The following SLC17A7 variants were observed in gnomAD, a reference collection of about 807,000 sequenced individuals.
The protein encoded by SLC17A7 is solute carrier family 17 member 7.
SLC17A7 carries 15 observed loss-of-function variants against 59.1 expected under a neutral mutation model. The ratio of observed to expected loss-of-function variants is 0.25; its 90% CI spans 0.17 to 0.39. The LOEUF (loss-of-function observed/expected upper bound fraction) is 0.39. Among genes scored for constraint, SLC17A7 ranks in the 10% least tolerant of loss-of-function variants. The pLI is 1.00. For synonymous variants in SLC17A7, 353 were observed against 308.9 expected, an observed-to-expected ratio of 1.14 and a Z score of -1.50; for missense variants, 499 against 765.1, an observed-to-expected ratio of 0.65 and a Z score of 4.10.
In SLC17A7 at chr19:49,434,008, C is replaced by T; in HGVS notation, c.676G>A (p.Gly226Arg). Residue 226 changes from glycine to arginine, a missense_variant, in exon 6 of 12, where the codon GGG becomes AGG. Transcript: ENST00000221485. The stretch of plus-strand genomic sequence containing the variant: ...CATCCTGAGTACTGCACAAGGACCC[C>T]GGCGAGGGGCATCGCGACCACCGCC... ...AGAVVAMPLA[G>R]VLVQYSGWSS... is the part of the protein sequence containing the mutation. The T allele has an allele frequency of 6.2e-7, 1 of 1,613,394 alleles. No individual in the cohort carries two copies. The highest frequency in any genetic ancestry group is 8.5e-7 in the Non-Finnish European group (1 of 1,179,896).
At chr19:49,432,454 C>T in intron 9 of SLC17A7, 65 bp downstream of exon 9, 1 of 1,553,606 alleles carries the variant, frequency 6.4e-7, no homozygotes, top group Non-Finnish European at 8.7e-7. Context: ...CTCCCCATCA[C>T]CTCTCAATCC....
Position 49,436,127 on chromosome 19 carries a change from G to C in SLC17A7, c.315+422C>G. 4.9e-6 allele frequency: 1 copy of C among 204,038 alleles called. No homozygotes were observed. The highest frequency in any genetic ancestry group is 1.0e-5 in the Non-Finnish European group (1 of 97,650). 12.6% of individuals were successfully genotyped at this position (204,038 alleles called of 1,614,324 possible). A position where few individuals can be genotyped will look rare whatever the true frequency, so the allele number is the denominator to read the frequency against. On this transcript the variant is annotated intron_variant, in intron 2 of 11. Coordinates refer to ENST00000221485, the MANE Select transcript of SLC17A7 (RefSeq NM_020309.4). This position sits in a 1 kb window ranked among gnomAD's most constrained non-coding sequence, Gnocchi z 4.1. ...CAACACATGCAGTGGGACGTAGGCA[G>C]TGGCAGGGTTTCAAAAAAGGATCAC...
In SLC17A7 at chr19:49,429,865, C is replaced by T. The variant is rs565682045; in HGVS notation, c.*654G>A. 7.6e-5 allele frequency: 23 copies of T among 304,540 alleles called. No individual in the cohort carries two copies. The highest frequency in any genetic ancestry group is 4.5e-4 in the African/African-American group (21 of 46,948). 18.9% of individuals were successfully genotyped at this position (304,540 alleles called of 1,614,324 possible). ...AAAATTGCGATTTTGGTTGTTTCCC[C>T]AGACATTATGCTAAGCTAGGGAGAA... On this transcript the variant is annotated 3_prime_UTR_variant, in exon 12 of 12. Transcript: ENST00000221485.
chr19:49,434,576 G>A (rs1484332527), intron 5 of SLC17A7, 26 bp downstream of exon 5: 3 of 1,579,900 alleles, frequency 1.9e-6, no homozygotes, highest in Admixed American at 2.0e-5. Flanking sequence ...CTCAGATTCA[G>A]GAGTGAGGAT....
chr19:49,429,608 T>G lies in SLC17A7; in HGVS notation c.*911A>C. On this transcript the variant is annotated 3_prime_UTR_variant, in exon 12 of 12. Coordinates refer to ENST00000221485, the MANE Select transcript of SLC17A7 (RefSeq NM_020309.4). ...CTGAGAGGGGAAGGATCCCAGATTT[T>G]GAGTCATTAAGCCCCTGAGGGACAC... is the stretch of plus-strand genomic sequence containing the variant. 1 of 398,908 alleles carries G rather than the reference T, an allele frequency of 2.5e-6. No individual in the cohort carries two copies. The highest frequency in any genetic ancestry group is 2.1e-5 in the African/African-American group (1 of 48,680). The allele number at this position is 398,908 out of a possible 1,614,324, so 24.7% of individuals were successfully genotyped here.
In SLC17A7 at chr19:49,434,732, C is replaced by T. The variant is rs1030566785; in HGVS notation, c.549+36G>A. 4.3e-6 allele frequency: 7 copies of T among 1,613,888 alleles called. No homozygotes were observed. In the African/African-American group the frequency reaches 5.3e-5, roughly 12 times the overall value. On this transcript the variant is annotated intron_variant, in intron 4 of 11. Coordinates refer to ENST00000221485, the MANE Select transcript of SLC17A7 (RefSeq NM_020309.4). ...AAGGTCACTGAGAAGAGGCAGGGTC[C>T]GAGCGAGGGCAGGGTCATATCAGGC...
Position 49,441,374 on chromosome 19 carries a change from C to A in SLC17A7, c.6G>T (p.Glu2Asp), listed in dbSNP as rs1600992081. The change falls in exon 1 of 12, where the codon GAG becomes GAT. Residue 2 changes from glutamate (E) to aspartate (D), a missense_variant. Glu to Asp is a conservative substitution (Grantham distance 45). Around this residue, in one of 3 missense-constraint regions of SLC17A7, gnomAD observed 78 missense variants for 80.4 expected, o/e 0.97. Transcript: ENST00000221485. M[E>D]FRQEEFRKLA... is the part of the protein sequence containing the mutation. ...GCTTCCGAAACTCCTCCTGGCGGAA[C>A]TCCATGGTGGCGGCTCCTGCCGCCG... 1 of 1,592,922 alleles carries A rather than the reference C, an allele frequency of 6.3e-7. No individual in the cohort carries two copies. The highest frequency in any genetic ancestry group is 1.1e-5 in the South Asian group (1 of 88,632).
In SLC17A7 at chr19:49,441,358, ACTC is replaced by A; in HGVS notation, c.19_21del (p.Glu7del). 6.2e-7 allele frequency: 1 copy of A among 1,602,112 alleles called. No individual in the cohort carries two copies. Among genetic ancestry groups the A allele is most frequent in the African/African-American group, 1.4e-5 (1 of 73,862 alleles). ...AGAGCACGACCCGCTAGCTTCCGAA[ACTC>A]CTCCTGGCGGAACTCCATGGTGGCG... On this transcript the variant is annotated inframe_deletion, in exon 1 of 12. Coordinates refer to ENST00000221485, the MANE Select transcript of SLC17A7 (RefSeq NM_020309.4).
At position 49,434,714 on chromosome 19, in the gene SLC17A7, C is replaced by G; in HGVS notation, c.550-25G>C. ...CCTAAAGAGGAGAAAACCAAGGTCA[C>G]TGAGAAGAGGCAGGGTCCGAGCGAG... On this transcript the variant is annotated intron_variant, in intron 4 of 11. Coordinates refer to ENST00000221485, the MANE Select transcript of SLC17A7 (RefSeq NM_020309.4). 4.3e-6 allele frequency: 7 copies of G among 1,614,188 alleles called. No individual in the cohort carries two copies. The African/African-American group carries it at 6.7e-5, about 15-fold the overall frequency.
Position 49,434,874 on chromosome 19 carries a change from C to T in SLC17A7, c.443G>A (p.Gly148Asp). 1 of 1,613,214 alleles carries T rather than the reference C, an allele frequency of 6.2e-7. No individual in the cohort carries two copies. Among genetic ancestry groups the T allele is most frequent in the Non-Finnish European group, 8.5e-7 (1 of 1,179,558 alleles). The change falls in exon 4 of 12, where the codon GGC (glycine) becomes GAC (aspartate). Residue 148 changes from glycine (G) to aspartate (D), a missense_variant. This residue lies in a region of SLC17A7 where 323 missense variants were observed against 607.2 expected (regional missense o/e 0.53). Coordinates refer to ENST00000221485, the MANE Select transcript of SLC17A7 (RefSeq NM_020309.4). ...CQKFAANRVF[G>D]FAIVATSTLN... is the part of the protein sequence containing the mutation. Reference sequence around the variant, plus strand: ...AGTGGATGTTGCCACAATAGCAAAGCCGAAAACTCTGATGGGAAGGGTCAG... The same window carrying T: ...AGTGGATGTTGCCACAATAGCAAAGTCGAAAACTCTGATGGGAAGGGTCAG...
chr19:49,440,927 G>T (rs1296889094), intron 1 of SLC17A7, among the ~76,000 whole-genome samples: 2 of 152,008 alleles, frequency 1.3e-5, no homozygotes. Context: ...CAGAGATCTA[G>T]GGAGAAGGAG....
intron 1 of SLC17A7, chr19:49,437,931 G>A (rs1483360266): frequency 6.6e-6 from 1 of 150,546 alleles, no homozygotes; most frequent in Non-Finnish European, 1.5e-5. Context: ...GACCCAGAGA[G>A]AGAGGGGGAC....
chr19:49,434,411 C>G (rs1170423191), intron 5 of SLC17A7, among the ~76,000 whole-genome samples, 191 bp downstream of exon 5: 1 of 151,548 alleles, frequency 6.6e-6, no homozygotes, highest in Admixed American at 6.6e-5. Context: ...CCCAGCCCCT[C>G]CTCTCTCAGA....
At position 49,430,568 on chromosome 19, in the gene SLC17A7, T is replaced by C. The variant is rs2078954454; in HGVS notation, c.1634A>G (p.His545Arg). ...PAPPPSYGAT[H>R]STFQPPRPPP... ...GGGCCTGGGGGGCTGAAATGTGCTG[T>C]GTGTGGCCCCATAGGAGGGCGGGGG... Residue 545 changes from histidine (H) to arginine (R), a missense_variant, in exon 12 of 12, where the codon CAC becomes CGC. His to Arg is a conservative substitution (Grantham distance 29). This residue lies in a region of SLC17A7 where 98 missense variants were observed against 77.5 expected (regional missense o/e 1.27). Transcript: ENST00000221485. 6.2e-7 allele frequency: 1 copy of C among 1,603,420 alleles called. No homozygotes were observed. Among genetic ancestry groups the C allele is most frequent in the African/African-American group, 1.3e-5 (1 of 74,208 alleles).
chr19:49,430,258 T>G lies in SLC17A7; in HGVS notation c.*261A>C. 1.1e-5 allele frequency: 4 copies of G among 357,520 alleles called. No individual in the cohort carries two copies. Among genetic ancestry groups the G allele is most frequent in the South Asian group, 5.8e-5 (1 of 17,204 alleles). The allele number at this position is 357,520 out of a possible 1,614,324, so 22.1% of individuals were successfully genotyped here. ...TCAAATAAAGCCCTGAAAGGAGAGA[T>G]TTGAAACCACTGAGGCAGAACGGGT... On this transcript the variant is annotated 3_prime_UTR_variant, in exon 12 of 12. Coordinates refer to ENST00000221485, the MANE Select transcript of SLC17A7 (RefSeq NM_020309.4).
At position 49,436,323 on chromosome 19, in the gene SLC17A7, A is replaced by T. The variant is rs920762564; in HGVS notation, c.315+226T>A. Reference sequence around the variant, plus strand: ...CTACATTTTTCAATCAAGCCCCTGGAAATAAGGGCGGGACTTCATTTAGAT... The same window carrying T: ...CTACATTTTTCAATCAAGCCCCTGGTAATAAGGGCGGGACTTCATTTAGAT... On this transcript the variant is annotated intron_variant, in intron 2 of 11. Transcript: ENST00000221485. This position sits in a 1 kb window ranked among gnomAD's most constrained non-coding sequence, Gnocchi z 4.1. The T allele has an allele frequency of 1.7e-6, 1 of 589,478 alleles. No homozygotes were observed. The highest frequency in any genetic ancestry group is 3.0e-6 in the Non-Finnish European group (1 of 338,152). 36.5% of individuals were successfully genotyped at this position (589,478 alleles called of 1,614,324 possible).
intron 5 of SLC17A7, 140 bp downstream of exon 5, chr19:49,434,462 G>A: frequency 5.1e-6 from 4 of 778,472 alleles, no homozygotes; most frequent in South Asian, 2.0e-5. Flanking sequence ...TCAGACCTGG[G>A]AGTCCAGGTC....
At chr19:49,432,376 T>C in intron 9 of SLC17A7, 143 bp downstream of exon 9, 2 of 1,184,970 alleles carry the variant, frequency 1.7e-6, no homozygotes, top group East Asian at 2.6e-5. Context: ...GGCTCCACCC[T>C]GTTGGCCACG....
In SLC17A7 at chr19:49,436,902, A is replaced by G; in HGVS notation, c.63-101T>C. On this transcript the variant is annotated intron_variant, in intron 1 of 11. Transcript: ENST00000221485. The surrounding 1 kb of genome is among the most constrained non-coding windows in gnomAD (Gnocchi z 4.1). Reference sequence around the variant, plus strand: ...CAAAACCTGCTTTTCAACATCCAGAATTCTAAGCCCGCACCTCCTCCTTCA... The same window carrying G: ...CAAAACCTGCTTTTCAACATCCAGAGTTCTAAGCCCGCACCTCCTCCTTCA... The G allele has an allele frequency of 6.8e-7, 1 of 1,463,790 alleles. No homozygotes were observed. The highest frequency in any genetic ancestry group is 2.2e-4 in the Middle Eastern group (1 of 4,588). 90.7% of individuals were successfully genotyped at this position (1,463,790 alleles called of 1,614,324 possible). A position where few individuals can be genotyped will look rare whatever the true frequency, so the allele number is the denominator to read the frequency against.
Sources: gnomAD v4.1 joint callset for allele counts (sites outside exome capture counted in the v4.1 genomes callset) on GRCh38, gnomAD v4.1.1 for gene constraint, gnomAD v4.1.1 regional missense constraint, Gnocchi (gnomAD v3.1) non-coding constraint, MANE v1.5 for transcripts, NCBI Gene and HGNC (gene_info 2026-07-23, HGNC 2026-07-21) for gene names.